BCKDHB: variants seen among roughly 807,000 people sequenced by gnomAD.
The protein encoded by BCKDHB is 2-oxoisovalerate dehydrogenase subunit beta, mitochondrial.
BCKDHB carries 41 observed loss-of-function variants against 48.5 expected under a neutral mutation model. That is an observed-to-expected ratio of 0.85 (90% confidence interval 0.66 to 1.10). BCKDHB has a LOEUF of 1.10. Among genes scored for constraint, BCKDHB ranks in the 50% least tolerant of loss-of-function variants. The pLI is 0.00. For synonymous variants in BCKDHB, 201 were observed against 174.8 expected, an observed-to-expected ratio of 1.15 and a Z score of -1.18; for missense variants, 496 against 494.2, an observed-to-expected ratio of 1.00 and a Z score of -0.03.
At chr6:80,265,768 A>G (rs962592294) in intron 8 of BCKDHB, among the ~76,000 whole-genome samples, 3 of 152,154 alleles carry the variant, frequency 2.0e-5, no homozygotes, top group Non-Finnish European at 4.4e-5. Context: ...TTGGAACAAT[A>G]TAATAGGTAT....
chr6:80,219,248 C>T (rs988306308), intron 8 of BCKDHB, among the ~76,000 whole-genome samples: 20 of 151,026 alleles, frequency 1.3e-4, no homozygotes, highest in East Asian at 5.9e-4. Flanking sequence ...GCTCTTGTCA[C>T]GCAGGCTGGA....
the BCKDHB span, among the ~76,000 whole-genome samples, chr6:80,459,471 A>T: frequency 2.0e-5 from 3 of 152,246 alleles, no homozygotes; most frequent in African/African-American, 7.2e-5. Flanking sequence ...GTTACCAAGG[A>T]CTGGTGGTGG....
chr6:80,107,453 CCA>C (rs1349060636), intron 1 of BCKDHB, among the ~76,000 whole-genome samples: 2 of 119,804 alleles, frequency 1.7e-5, no homozygotes, highest in South Asian at 2.7e-4. Context: ...GTGTATATAT[CCA>C]CACACATATA....
the BCKDHB span, among the ~76,000 whole-genome samples, chr6:80,402,749 A>G: frequency 6.6e-6 from 1 of 151,844 alleles, no homozygotes; most frequent in Admixed American, 6.6e-5. Flanking sequence ...CTTACAATTA[A>G]GTCTTTAATC....
rs534570206 is a variant in BCKDHB, at chr6:80,299,930, G to A, written c.1038+26709G>A. On this transcript the variant is annotated intron_variant, in intron 9 of 9. Coordinates refer to ENST00000320393, the MANE Select transcript of BCKDHB (RefSeq NM_183050.4). ...GGCAGGCTTGATATAAAGACAAGAC[G>A]AAAGCATCTGTTGTCTTCAGTAGAC... is the stretch of plus-strand genomic sequence containing the variant. 1.5e-4 allele frequency among the ~76,000 whole-genome samples: 23 copies of A among 152,200 alleles called. No individual in the cohort carries two copies. The South Asian group carries it at 4.1e-3, about 27-fold the overall frequency.
intron 9 of BCKDHB, among the ~76,000 whole-genome samples, chr6:80,332,953 C>T (rs1320799985): frequency 2.0e-5 from 3 of 151,700 alleles, no homozygotes; most frequent in Non-Finnish European, 4.4e-5. Context: ...CAAATTCGTA[C>T]GGAACCTACT....
chr6:80,259,818 A>G (rs1777217980), intron 8 of BCKDHB, among the ~76,000 whole-genome samples: 2 of 152,170 alleles, frequency 1.3e-5, no homozygotes, highest in South Asian at 4.1e-4. Context: ...TCTGAATTTT[A>G]TTTTTGAATG....
chr6:80,411,109 G>T, the BCKDHB span, among the ~76,000 whole-genome samples: 1 of 152,034 alleles, frequency 6.6e-6, no homozygotes, highest in African/African-American at 2.4e-5. Flanking sequence ...TTTGATGTTG[G>T]TGACCTACAG....
At chr6:80,180,801 A>G (rs947614054) in intron 6 of BCKDHB, among the ~76,000 whole-genome samples, 1 of 152,190 alleles carries the variant, frequency 6.6e-6, no homozygotes, top group African/African-American at 2.4e-5. Context: ...AGAGAAATTA[A>G]TATTTTGTAT....
chr6:80,371,657 G>A, the BCKDHB span, among the ~76,000 whole-genome samples: 59 of 152,150 alleles, frequency 3.9e-4, no homozygotes, highest in African/African-American at 1.3e-3. Context: ...GTTGATTTTT[G>A]TATAAGATGA....
At chr6:80,373,234 T>A in the BCKDHB span, among the ~76,000 whole-genome samples, 1 of 152,336 alleles carries the variant, frequency 6.6e-6, no homozygotes, top group African/African-American at 2.4e-5. Context: ...TTTGTGCACA[T>A]AAAGGTGTTC....
chr6:80,291,231 G>T (rs913706757), intron 9 of BCKDHB, among the ~76,000 whole-genome samples: 1 of 151,990 alleles, frequency 6.6e-6, no homozygotes, highest in Non-Finnish European at 1.5e-5. Context: ...TAATCTTAAG[G>T]GTTACAGAGG....
At chr6:80,456,023 T>C in the BCKDHB span, among the ~76,000 whole-genome samples, 2 of 152,016 alleles carry the variant, frequency 1.3e-5, no homozygotes, top group African/African-American at 4.8e-5. Flanking sequence ...GAGACCAGCC[T>C]AGCCAATATG....
chr6:80,305,777 A>C (rs1385720377), intron 9 of BCKDHB, among the ~76,000 whole-genome samples: 1 of 152,156 alleles, frequency 6.6e-6, no homozygotes, highest in Non-Finnish European at 1.5e-5. Context: ...CCTCTCACCT[A>C]CCATGGGACC....
chr6:80,306,067 G>T (rs1184676170), intron 9 of BCKDHB, among the ~76,000 whole-genome samples: 1 of 152,126 alleles, frequency 6.6e-6, no homozygotes, highest in Admixed American at 6.5e-5. Flanking sequence ...AAGATTAAGT[G>T]AATTAATACA....
At chr6:80,265,631 G>A (rs1777483373) in intron 8 of BCKDHB, among the ~76,000 whole-genome samples, 1 of 152,048 alleles carries the variant, frequency 6.6e-6, no homozygotes, top group African/African-American at 2.4e-5. Context: ...GGTCGTGATG[G>A]TTGTGTAATA....
intron 9 of BCKDHB, among the ~76,000 whole-genome samples, chr6:80,342,556 G>GAAAAAAA (rs34127398): frequency 2.1e-4 from 5 of 24,090 alleles, no homozygotes; most frequent in East Asian, 1.4e-3. Flanking sequence ...CCTCATTTCT[G>GAAAAAAA]AAAAAAAAAA....
chr6:80,307,350 A>G (rs1490909517), intron 9 of BCKDHB: 4 of 881,112 alleles, frequency 4.5e-6, no homozygotes, highest in Non-Finnish European at 5.4e-6. Flanking sequence ...GATATTTAAT[A>G]GGAATGTAAT....
intron 8 of BCKDHB, among the ~76,000 whole-genome samples, chr6:80,235,498 GAAT>G (rs1296597963): frequency 6.6e-6 from 1 of 152,134 alleles, no homozygotes; most frequent in Non-Finnish European, 1.5e-5. Flanking sequence ...CCAGCTCCCA[GAAT>G]AATATCTTCT....
Sources: allele counts gnomAD v4.1 joint callset (sites outside exome capture counted in the v4.1 genomes callset), GRCh38; gene constraint gnomAD v4.1.1; transcripts MANE v1.5; gene names NCBI Gene and HGNC (gene_info 2026-07-23, HGNC 2026-07-21).